Variants in HECW1 observed in about 807,000 individuals in gnomAD.
The protein encoded by HECW1 is HECT, C2 and WW domain containing E3 ubiquitin protein ligase 1, also known as E3 ubiquitin-protein ligase HECW1.
Under a neutral mutation model 182.3 loss-of-function variants are expected in HECW1, and 61 were observed. That is an observed-to-expected ratio of 0.33 (90% CI 0.27 to 0.41). The LOEUF (loss-of-function observed/expected upper bound fraction) is 0.41, where lower values mean the gene tolerates loss of function less well. HECW1 is among the 10% of genes least tolerant of loss of function. HECW1 has a pLI of 1.00. For missense variants in HECW1, 1,739 were observed against 2,108.9 expected (o/e 0.82, Z 3.44); for synonymous variants, 859 against 832.6 (o/e 1.03, Z -0.55).
At chr7:43,173,390 C>T (rs1791884160) in intron 2 of HECW1, among the ~76,000 whole-genome samples, 1 of 152,206 alleles carries the variant, frequency 6.6e-6, no homozygotes, top group African/African-American at 2.4e-5. Flanking sequence ...CCTCCAGTGG[C>T]TGTCCACCCC....
chr7:43,301,367 C>A (rs1806759078), intron 3 of HECW1, among the ~76,000 whole-genome samples: 1 of 152,234 alleles, frequency 6.6e-6, no homozygotes, highest in African/African-American at 2.4e-5. Context: ...GTGGTCCCAG[C>A]ATCTCTCTCC....
intron 2 of HECW1, among the ~76,000 whole-genome samples, chr7:43,141,690 G>T (rs904454200): frequency 6.6e-6 from 1 of 152,068 alleles, no homozygotes; most frequent in Non-Finnish European, 1.5e-5. Context: ...TAGAGACAGG[G>T]TTTCTCCATG....
chr7:43,451,958 G>A (rs2077250394), intron 12 of HECW1, among the ~76,000 whole-genome samples: 1 of 152,122 alleles, frequency 6.6e-6, no homozygotes, highest in Admixed American at 6.5e-5. Flanking sequence ...ATCTGTTCTT[G>A]GTAATGTGCT....
At chr7:43,216,100 A>C (rs1166167060) in intron 2 of HECW1, among the ~76,000 whole-genome samples, 1 of 152,170 alleles carries the variant, frequency 6.6e-6, no homozygotes, top group Non-Finnish European at 1.5e-5. Flanking sequence ...TATAAGATGA[A>C]AGCTGAGTCT....
chr7:43,157,016 C>T (rs1789952255), intron 2 of HECW1, among the ~76,000 whole-genome samples: 1 of 152,210 alleles, frequency 6.6e-6, no homozygotes, highest in Admixed American at 6.5e-5. Flanking sequence ...ATAATTTAGC[C>T]TGTCCTGACT....
chr7:43,312,062 G>A lies in HECW1; in HGVS notation c.327G>A (p.Gly109=), dbSNP rs1417092874. The change falls in exon 4 of 30, where the codon GGG becomes GGA. Residue 109 remains glycine, a synonymous_variant. Transcript: ENST00000395891. ...HWDIKEEVDA[G]DWIGMYLIDE... is the part of the protein sequence containing the mutation. ...ACATAAAGGAGGAAGTGGACGCTGG[G>A]GACTGGATTGGCATGTACCTCATTG... 1.4e-5 allele frequency: 23 copies of A among 1,614,126 alleles called. No homozygotes were observed. The highest frequency in any genetic ancestry group is 1.9e-5 in the Non-Finnish European group (23 of 1,180,000).
intron 17 of HECW1, among the ~76,000 whole-genome samples, chr7:43,488,480 GAAAGAA>G (rs1563046665): frequency 6.8e-6 from 1 of 147,670 alleles, no homozygotes; most frequent in African/African-American, 2.6e-5. Flanking sequence ...AAGAAAGAAA[GAAAGAA>G]AGAGAAAGAA....
intron 2 of HECW1, among the ~76,000 whole-genome samples, chr7:43,167,868 A>C (rs1204931054): frequency 6.6e-6 from 1 of 152,168 alleles, no homozygotes; most frequent in Non-Finnish European, 1.5e-5. Context: ...GAGGAAACAA[A>C]TTGAGGCTTG....
intron 16 of HECW1, among the ~76,000 whole-genome samples, chr7:43,475,500 GTTGA>G (rs1190049221): frequency 6.6e-6 from 1 of 152,130 alleles, no homozygotes; most frequent in Non-Finnish European, 1.5e-5. Flanking sequence ...GGGAATTTCA[GTTGA>G]TTAAGAAGTG....
chr7:43,297,867 T>C (rs1190131647), intron 3 of HECW1, among the ~76,000 whole-genome samples: 1 of 151,750 alleles, frequency 6.6e-6, no homozygotes, highest in Non-Finnish European at 1.5e-5. Flanking sequence ...AGGCCAGGAG[T>C]TGAAGACCAA....
At chr7:43,383,105 A>G (rs78512109) in intron 6 of HECW1, among the ~76,000 whole-genome samples, 2 of 152,234 alleles carry the variant, frequency 1.3e-5, no homozygotes, top group Admixed American at 6.5e-5. Flanking sequence ...TGCAAAGGAC[A>G]TGAACTCATT....
At chr7:43,255,997 A>C (rs1562741949) in intron 3 of HECW1, among the ~76,000 whole-genome samples, 1 of 152,372 alleles carries the variant, frequency 6.6e-6, no homozygotes, top group East Asian at 1.9e-4. Flanking sequence ...ATGAAGAGGT[A>C]TGAAAAATAA....
intron 13 of HECW1, 142 bp downstream of exon 13, chr7:43,456,589 G>A (rs2077411452): frequency 1.3e-6 from 1 of 741,102 alleles, no homozygotes. Context: ...CCTGTTCCTA[G>A]TAGGTATTTG....
intron 2 of HECW1, among the ~76,000 whole-genome samples, chr7:43,221,806 A>AAAAAAT (rs1797004049): frequency 6.6e-6 from 1 of 151,892 alleles, no homozygotes; most frequent in African/African-American, 2.4e-5. Flanking sequence ...TGGCCTCCCA[A>AAAAAAT]AGTGCTGGGA....
At chr7:43,193,946 CAA>C (rs1260005067) in intron 2 of HECW1, among the ~76,000 whole-genome samples, 1 of 152,114 alleles carries the variant, frequency 6.6e-6, no homozygotes, top group Admixed American at 6.5e-5. Flanking sequence ...CAAAATATGT[CAA>C]AAAAGATATT....
intron 19 of HECW1, among the ~76,000 whole-genome samples, chr7:43,496,736 T>C (rs992834076): frequency 1.3e-5 from 2 of 151,976 alleles, no homozygotes; most frequent in Non-Finnish European, 2.9e-5. Flanking sequence ...TGGGTTTGAG[T>C]ATGTAGAAAA....
chr7:43,372,091 G>C (rs1399840278), intron 6 of HECW1, among the ~76,000 whole-genome samples: 1 of 152,032 alleles, frequency 6.6e-6, no homozygotes, highest in Admixed American at 6.6e-5. Flanking sequence ...CAAAGTGCTG[G>C]GATTACAGGT....
chr7:43,281,261 A>G (rs1050057673), intron 3 of HECW1, among the ~76,000 whole-genome samples: 1 of 152,146 alleles, frequency 6.6e-6, no homozygotes, highest in African/African-American at 2.4e-5. Flanking sequence ...GCTCAGCTCC[A>G]AAACGGCATC....
In HECW1 at chr7:43,444,304, G is replaced by C. The variant is rs1331176160; in HGVS notation, c.1132G>C (p.Gly378Arg). 1 of 1,614,194 alleles carries C rather than the reference G, an allele frequency of 6.2e-7. No homozygotes were observed. Among genetic ancestry groups the C allele is most frequent in the Non-Finnish European group, 8.5e-7 (1 of 1,180,014 alleles). ...GAACAACCTGATGGAAAGCGGCAGT[G>C]GGGAACCTCGGTCTGAGGCACCAGA... The part of the protein sequence containing the change: ...PMNNLMESGS[G>R]EPRSEAPESS... Residue 378 changes from glycine (G) to arginine (R), a missense_variant, in exon 11 of 30, where the codon GGG becomes CGG. Physicochemically the swap from Gly to Arg is moderately radical, Grantham distance 125. Coordinates refer to ENST00000395891, the MANE Select transcript of HECW1 (RefSeq NM_015052.5). This position sits in a 1 kb window ranked among gnomAD's most constrained non-coding sequence, Gnocchi z 4.3.
Sources: allele counts gnomAD v4.1 joint callset (sites outside exome capture counted in the v4.1 genomes callset), GRCh38; gene constraint gnomAD v4.1.1; non-coding constraint Gnocchi (gnomAD v3.1); transcripts MANE v1.5; gene names NCBI Gene and HGNC (gene_info 2026-07-23, HGNC 2026-07-21).